The following DGKG variants were observed in gnomAD, a reference collection of about 807,000 sequenced individuals.
DGKG encodes diacylglycerol kinase gamma.
Under a neutral mutation model 105.3 loss-of-function variants are expected in DGKG, and 78 were observed. The ratio of observed to expected loss-of-function variants is 0.74; its 90% CI spans 0.62 to 0.89. The LOEUF is 0.89. Among genes scored for constraint, DGKG ranks in the 40% least tolerant of loss-of-function variants. The pLI, the probability that DGKG is intolerant of heterozygous loss-of-function variation, is 0.00. For missense variants in DGKG, 958 were observed against 1,020.1 expected, an observed-to-expected ratio of 0.94 and a Z score of 0.83; for synonymous variants, 346 against 367.1, an observed-to-expected ratio of 0.94 and a Z score of 0.66.
At chr3:186,215,683 A>G (rs980435781) in intron 20 of DGKG, among the ~76,000 whole-genome samples, 4 of 152,030 alleles carry the variant, frequency 2.6e-5, no homozygotes, top group African/African-American at 7.2e-5. Flanking sequence ...GGGGAGACTC[A>G]CAAGCTAAAA....
At chr3:186,168,288 T>G (rs1195769262) in intron 22 of DGKG, among the ~76,000 whole-genome samples, 1 of 152,214 alleles carries the variant, frequency 6.6e-6, no homozygotes, top group African/African-American at 2.4e-5. Context: ...TCCATAGAGC[T>G]AGGACTTTCA....
intron 5 of DGKG, among the ~76,000 whole-genome samples, chr3:186,297,178 C>T (rs1338275646): frequency 6.6e-6 from 1 of 152,028 alleles, no homozygotes; most frequent in African/African-American, 2.4e-5. Context: ...CAAGCTGTCC[C>T]AAGTCCTGAC....
chr3:186,223,108 A>T (rs1167435982), intron 20 of DGKG, among the ~76,000 whole-genome samples: 1 of 147,058 alleles, frequency 6.8e-6, no homozygotes, highest in Admixed American at 7.0e-5. Flanking sequence ...TCGTGGCCTC[A>T]TGATTCTGAG....
chr3:186,155,281 C>T (rs1057373526), intron 24 of DGKG, among the ~76,000 whole-genome samples: 3 of 152,126 alleles, frequency 2.0e-5, no homozygotes, highest in Non-Finnish European at 2.9e-5. Context: ...CAACCTCCGC[C>T]TCCCGGGTTC....
chr3:186,158,808 C>A, intron 24 of DGKG: 1 of 909,096 alleles, frequency 1.1e-6, no homozygotes, highest in Non-Finnish European at 1.3e-6. Context: ...TATTAAATAT[C>A]TAACATTTTA....
intron 21 of DGKG, among the ~76,000 whole-genome samples, chr3:186,198,032 C>T (rs918734485): frequency 1.3e-5 from 2 of 152,176 alleles, no homozygotes; most frequent in Admixed American, 6.5e-5. Context: ...AGGCGGGGAC[C>T]ATATCTGACA....
chr3:186,152,203 C>T (rs1167507645), intron 24 of DGKG, among the ~76,000 whole-genome samples: 1 of 152,216 alleles, frequency 6.6e-6, no homozygotes, highest in Non-Finnish European at 1.5e-5. Context: ...TTGGCTTCCA[C>T]CAGCCCAGAG....
chr3:186,281,723 A>G (rs1029896149), intron 7 of DGKG, among the ~76,000 whole-genome samples: 8 of 152,248 alleles, frequency 5.3e-5, no homozygotes, highest in Non-Finnish European at 7.3e-5. Context: ...AGGTTTTGGC[A>G]GAAGTTCCAA....
chr3:186,210,666 TTCCTACACCACTCCAGGCCACAGGTGCC>T lies in DGKG; in HGVS notation c.1917+1101_1917+1128del. 8.8e-6 allele frequency: 4 copies of T among 452,836 alleles called. No individual in the cohort carries two copies. Among genetic ancestry groups the T allele is most frequent in the Non-Finnish European group, 1.8e-5 (4 of 225,942 alleles). The allele number at this position is 452,836 out of a possible 1,614,324, so 28.1% of individuals were successfully genotyped here. A position where few individuals can be genotyped will look rare whatever the true frequency, so the allele number is the denominator to read the frequency against. The stretch of plus-strand genomic sequence containing the variant: ...CCTTCCGGCAGGGAGGGGCAGGGCT[TTCCTACACCACTCCAGGCCACAGGTGCC>T]TCCTCCAGGGAGGCCCAGGCCCCAC... On this transcript the variant is annotated intron_variant, in intron 21 of 24. Transcript: ENST00000265022. The surrounding 1 kb of genome is among the most constrained non-coding windows in gnomAD (Gnocchi z 5.2).
chr3:186,340,967 A>C (rs1301005337), intron 1 of DGKG, among the ~76,000 whole-genome samples: 1 of 152,054 alleles, frequency 6.6e-6, no homozygotes, highest in East Asian at 1.9e-4. Context: ...CTTCTCACTC[A>C]TTTTAGTCTG....
At chr3:186,341,653 A>C (rs901664946) in intron 1 of DGKG, among the ~76,000 whole-genome samples, 2 of 152,216 alleles carry the variant, frequency 1.3e-5, no homozygotes, top group African/African-American at 2.4e-5. Flanking sequence ...TCCTTCGCCC[A>C]CTTTTTGATG....
intron 3 of DGKG, among the ~76,000 whole-genome samples, chr3:186,299,365 A>T (rs1307566503): frequency 6.6e-6 from 1 of 152,168 alleles, no homozygotes; most frequent in Admixed American, 6.5e-5. Context: ...ATGTGTATAA[A>T]CAAGTTTGAG....
At chr3:186,161,203 TTCCAC>T in intron 24 of DGKG, 2 of 1,000,836 alleles carry the variant, frequency 2.0e-6, no homozygotes, top group Non-Finnish European at 2.4e-6. Flanking sequence ...TAGATTTGGC[TTCCAC>T]GTAAGGAAGC....
chr3:186,321,186 G>C (rs987421753), intron 1 of DGKG, among the ~76,000 whole-genome samples: 1 of 152,216 alleles, frequency 6.6e-6, no homozygotes, highest in African/African-American at 2.4e-5. Context: ...GCCATAAAAA[G>C]GGAGTTAGAG....
intron 1 of DGKG, among the ~76,000 whole-genome samples, chr3:186,339,971 G>C (rs1726011818): frequency 6.6e-6 from 1 of 152,186 alleles, no homozygotes; most frequent in Non-Finnish European, 1.5e-5. Context: ...TACACAGTAG[G>C]ATTAAAGATA....
In DGKG at chr3:186,261,759, G is replaced by C; in HGVS notation, c.1289C>G (p.Pro430Arg). Reference sequence around the variant, plus strand: ...CAAGACCAGCAGGGGGTGGGTACCCGGGGTGGGGATGATCTTATACTTGAA... The same window carrying C: ...CAAGACCAGCAGGGGGTGGGTACCCCGGGTGGGGATGATCTTATACTTGAA... ...LVMQYKIIPT[P>R]GTHPLLVLVN... is the part of the protein sequence containing the mutation. The change falls in exon 15 of 25, where the codon CCG becomes CGG. Residue 430 changes from proline (P) to arginine (R), a missense_variant. Physicochemically the swap from Pro to Arg is moderately radical, Grantham distance 103. Coordinates refer to ENST00000265022, the MANE Select transcript of DGKG (RefSeq NM_001346.3). 6.2e-7 allele frequency: 1 copy of C among 1,605,782 alleles called. No homozygotes were observed. Among genetic ancestry groups the C allele is most frequent in the Non-Finnish European group, 8.5e-7 (1 of 1,176,014 alleles).
At chr3:186,193,720 G>C (rs1343125494) in intron 21 of DGKG, among the ~76,000 whole-genome samples, 1 of 152,210 alleles carries the variant, frequency 6.6e-6, no homozygotes, top group South Asian at 2.1e-4. Context: ...CGGCCCCGGG[G>C]CCCGCTCCCC....
chr3:186,283,075 A>ATTTTTTTTTT (rs1183231249), intron 7 of DGKG, among the ~76,000 whole-genome samples: 1 of 151,512 alleles, frequency 6.6e-6, no homozygotes, highest in Admixed American at 6.6e-5. Context: ...TGCCCGGCTA[A>ATTTTTTTTTT]TTTTTGTATT....
intron 1 of DGKG, among the ~76,000 whole-genome samples, chr3:186,336,362 G>A (rs777963773): frequency 6.6e-5 from 10 of 152,040 alleles, no homozygotes; most frequent in Non-Finnish European, 1.3e-4. Flanking sequence ...AAAGATCCAT[G>A]CATTCTTAAG....
Sources: gnomAD v4.1 joint callset for allele counts (sites outside exome capture counted in the v4.1 genomes callset) on GRCh38, gnomAD v4.1.1 for gene constraint, Gnocchi (gnomAD v3.1) non-coding constraint, MANE v1.5 for transcripts, NCBI Gene and HGNC (gene_info 2026-07-23, HGNC 2026-07-21) for gene names.